CYB5R4: variants seen among roughly 807,000 people sequenced by gnomAD.
The protein encoded by CYB5R4 is cytochrome b5 reductase 4.
Under a neutral mutation model 70.2 loss-of-function variants are expected in CYB5R4, and 55 were observed. The ratio of observed to expected loss-of-function variants is 0.78; its 90% confidence interval spans 0.63 to 0.98. The LOEUF is 0.98. CYB5R4 is among the 50% of genes least tolerant of loss of function. The pLI is 0.00. For synonymous variants in CYB5R4, 197 were observed against 199.5 expected (o/e 0.99, Z 0.11); for missense variants, 562 against 612.6 (o/e 0.92, Z 0.87).
At chr6:83,931,032 C>T (rs896966040) in intron 10 of CYB5R4, among the ~76,000 whole-genome samples, 3 of 152,194 alleles carry the variant, frequency 2.0e-5, no homozygotes, top group African/African-American at 4.8e-5. Flanking sequence ...TCTATCCAGA[C>T]CACTCAGACT....
intron 15 of CYB5R4, among the ~76,000 whole-genome samples, chr6:83,956,366 T>C (rs1313277108): frequency 1.3e-5 from 2 of 152,116 alleles, no homozygotes; most frequent in Non-Finnish European, 2.9e-5. Context: ...AACTCAAAGC[T>C]GGATTGGGGG....
chr6:83,869,035 G>A (rs2099457161), intron 2 of CYB5R4, among the ~76,000 whole-genome samples: 1 of 152,116 alleles, frequency 6.6e-6, no homozygotes, highest in African/African-American at 2.4e-5. Flanking sequence ...GTATTTTAAT[G>A]GATTTTACTT....
At chr6:83,915,143 C>G (rs962071507) in intron 5 of CYB5R4, among the ~76,000 whole-genome samples, 1 of 152,144 alleles carries the variant, frequency 6.6e-6, no homozygotes, top group African/African-American at 2.4e-5. Context: ...TCCAGCCATT[C>G]TGGATGACTT....
chr6:83,933,172 G>A (rs2099468412), intron 10 of CYB5R4, among the ~76,000 whole-genome samples: 1 of 152,170 alleles, frequency 6.6e-6, no homozygotes, highest in African/African-American at 2.4e-5. Context: ...TCCAGTGCTT[G>A]TTAGGCCTTC....
At chr6:83,944,728 G>A (rs1178659973) in intron 14 of CYB5R4, among the ~76,000 whole-genome samples, 1 of 151,718 alleles carries the variant, frequency 6.6e-6, no homozygotes, top group East Asian at 1.9e-4. Context: ...TCAAAATAAA[G>A]AGATGGAGGA....
intron 2 of CYB5R4, among the ~76,000 whole-genome samples, chr6:83,877,176 T>A (rs1474760660): frequency 6.6e-6 from 1 of 152,182 alleles, no homozygotes; most frequent in African/African-American, 2.4e-5. Flanking sequence ...ATGAATTCCC[T>A]CACTTTTTTT....
intron 14 of CYB5R4, 55 bp downstream of exon 14, chr6:83,940,656 T>A: frequency 6.5e-7 from 1 of 1,534,650 alleles, no homozygotes; most frequent in South Asian, 1.2e-5. Flanking sequence ...GTAGTAAGTC[T>A]ATGCCTTATC....
chr6:83,859,833 T>A lies in CYB5R4; in HGVS notation c.51T>A (p.Arg17=), dbSNP rs1378852808. The part of the protein sequence containing the change: ...QSFPAPRSQQ[R]VASGGRSKVP... ...TCCCGGCCCCCAGGTCGCAGCAGCG[T>A]GTCGCCTCCGGGGGGCGTAGCAAGG... is the stretch of plus-strand genomic sequence containing the variant. Residue 17 remains arginine, a synonymous_variant, in exon 1 of 16, where the codon CGT becomes CGA. Coordinates refer to ENST00000369681, the MANE Select transcript of CYB5R4 (RefSeq NM_016230.4). 1 of 1,613,424 alleles carries A rather than the reference T, an allele frequency of 6.2e-7. No homozygotes were observed.
At chr6:83,861,740 G>A (rs2099455967) in intron 1 of CYB5R4, among the ~76,000 whole-genome samples, 1 of 152,196 alleles carries the variant, frequency 6.6e-6, no homozygotes, top group African/African-American at 2.4e-5. Flanking sequence ...GACTACCTGT[G>A]ACATTGAACT....
At chr6:83,907,375 C>T (rs1240892188) in intron 3 of CYB5R4, among the ~76,000 whole-genome samples, 1 of 152,130 alleles carries the variant, frequency 6.6e-6, no homozygotes, top group Non-Finnish European at 1.5e-5. Flanking sequence ...GCAGTAGAAT[C>T]ACTTTGTTTC....
intron 3 of CYB5R4, among the ~76,000 whole-genome samples, chr6:83,902,136 T>G (rs534360766): frequency 6.6e-6 from 1 of 152,298 alleles, no homozygotes; most frequent in African/African-American, 2.4e-5. Flanking sequence ...TTTCTTCTAG[T>G]GATTTTATAG....
At chr6:83,895,189 A>T (rs563199285) in intron 3 of CYB5R4, among the ~76,000 whole-genome samples, 1 of 152,222 alleles carries the variant, frequency 6.6e-6, no homozygotes, top group East Asian at 1.9e-4. Context: ...TCTATGAGAC[A>T]GAGTCTCGCT....
intron 2 of CYB5R4, among the ~76,000 whole-genome samples, chr6:83,878,314 A>G (rs1455530280): frequency 2.6e-5 from 4 of 151,878 alleles, no homozygotes; most frequent in Non-Finnish European, 2.9e-5. Flanking sequence ...TCTTTTGACA[A>G]TGAGTTGTTG....
rs200456630 is a variant in CYB5R4 at position 83,936,405 on chromosome 6, A to G, written c.1108+29A>G. The G allele has an allele frequency of 3.2e-4, 507 of 1,598,740 alleles. 1 individual carries two copies. The highest frequency in any genetic ancestry group is 4.0e-4 in the Non-Finnish European group (472 of 1,168,728). ...AGTATTTTTACATTTTTTAAACCTCATTTGTGCTCTAGATTGGATCACATT... is the reference window on the plus strand; with the variant it reads ...AGTATTTTTACATTTTTTAAACCTCGTTTGTGCTCTAGATTGGATCACATT... On this transcript the variant is annotated intron_variant, in intron 12 of 15. Transcript: ENST00000369681.
Position 83,893,608 on chromosome 6 carries a change from GAACT to G in CYB5R4, c.317_320del (p.Glu106ValfsTer15), listed in dbSNP as rs1386698071. On this transcript the variant is annotated frameshift_variant, in exon 3 of 16. Coordinates refer to ENST00000369681, the MANE Select transcript of CYB5R4 (RefSeq NM_016230.4). LOFTEE classifies it high-confidence loss of function. Reference sequence around the variant, plus strand: ...GAGAGCAGCAGGATCAGATGGTACTGAACTTTTTGATCAGGTAAGATGTGCTGAA... The same window carrying G: ...GAGAGCAGCAGGATCAGATGGTACTGTTTTGATCAGGTAAGATGTGCTGAA... 1 of 1,608,486 alleles carries G rather than the reference GAACT, an allele frequency of 6.2e-7. No homozygotes were observed. The highest frequency in any genetic ancestry group is 1.1e-5 in the South Asian group (1 of 90,802).
At chr6:83,918,388 A>C (rs2099465841) in intron 6 of CYB5R4, among the ~76,000 whole-genome samples, 1 of 152,064 alleles carries the variant, frequency 6.6e-6, no homozygotes, top group Non-Finnish European at 1.5e-5. Flanking sequence ...AAAGTGATAA[A>C]ATCAGTTGTA....
intron 3 of CYB5R4, among the ~76,000 whole-genome samples, chr6:83,901,706 T>G (rs941508527): frequency 9.1e-4 from 73 of 80,028 alleles, no homozygotes; most frequent in Admixed American, 4.9e-3. Flanking sequence ...TTATTTCTTG[T>G]TTTTTTTTTT....
intron 10 of CYB5R4, among the ~76,000 whole-genome samples, chr6:83,928,051 G>A (rs1205293010): frequency 2.6e-5 from 4 of 152,076 alleles, no homozygotes; most frequent in Admixed American, 6.6e-5. Context: ...CAGGAACCAG[G>A]GTTAAAGACC....
intron 6 of CYB5R4, 57 bp downstream of exon 6, chr6:83,918,122 A>G: frequency 6.1e-6 from 8 of 1,318,892 alleles, no homozygotes; most frequent in Non-Finnish European, 7.6e-6. Context: ...AAAAATGTAC[A>G]CATTTAAAAA....
Sources: allele counts gnomAD v4.1 joint callset (sites outside exome capture counted in the v4.1 genomes callset), GRCh38; gene constraint gnomAD v4.1.1; transcripts MANE v1.5; gene names NCBI Gene and HGNC (gene_info 2026-07-23, HGNC 2026-07-21).